The following PTPRJ variants were observed in gnomAD, a reference collection of about 807,000 sequenced individuals.
PTPRJ encodes receptor-type tyrosine-protein phosphatase eta.
In PTPRJ, 129 loss-of-function variants were observed where a neutral mutation model predicts 141.3. The observed-to-expected ratio is 0.91, with a 90% CI of 0.79 to 1.06. The LOEUF (loss-of-function observed/expected upper bound fraction) is 1.06. Among genes scored for constraint, PTPRJ ranks in the 50% least tolerant of loss-of-function variants. PTPRJ has a pLI of 0.00. For synonymous variants in PTPRJ, 610 were observed against 640.5 expected, an observed-to-expected ratio of 0.95 and a Z score of 0.72; for missense variants, 1,601 against 1,679.7, an observed-to-expected ratio of 0.95 and a Z score of 0.82.
chr11:48,089,843 C>T (rs1372819549), intron 1 of PTPRJ, among the ~76,000 whole-genome samples: 2 of 152,176 alleles, frequency 1.3e-5, no homozygotes, highest in African/African-American at 4.8e-5. Context: ...CCAGGCCTGG[C>T]TCTGCTATAT....
At position 48,082,410 on chromosome 11, in the gene PTPRJ, AT is replaced by A. The variant is rs386373791; in HGVS notation, c.97-27628del. ...AGGCTTACACCACCATACCTGGCAA[AT>A]TTTTTTTTTTTTTTTTTTTGGAGAG... On this transcript the variant is annotated intron_variant, in intron 1 of 24. Coordinates refer to ENST00000418331, the MANE Select transcript of PTPRJ (RefSeq NM_002843.4). Among the ~76,000 whole-genome samples, 74 of 125,246 alleles carry A rather than the reference AT, an allele frequency of 5.9e-4. 1 individual carries two copies. The highest frequency in any genetic ancestry group is 2.7e-3 in the Admixed American group (30 of 11,256). 82.2% of individuals were successfully genotyped at this position (125,246 alleles called of 152,430 possible).
intron 1 of PTPRJ, among the ~76,000 whole-genome samples, 182 bp downstream of exon 1, chr11:47,981,190 C>T (rs1364992568): frequency 6.6e-6 from 1 of 152,100 alleles, no homozygotes; most frequent in African/African-American, 2.4e-5. Flanking sequence ...CGATCGATCC[C>T]TTTTCCGGCT....
chr11:48,016,303 C>T (rs895062409), intron 1 of PTPRJ, among the ~76,000 whole-genome samples: 9 of 152,188 alleles, frequency 5.9e-5, no homozygotes, highest in Non-Finnish European at 1.3e-4. Flanking sequence ...GCTTCCCACT[C>T]GTTATCCTCA....
chr11:48,085,318 G>A (rs976543547), intron 1 of PTPRJ, among the ~76,000 whole-genome samples: 1 of 151,072 alleles, frequency 6.6e-6, no homozygotes, highest in African/African-American at 2.4e-5. Context: ...TATGTTAACA[G>A]GTGACAGATT....
chr11:48,053,930 CTTTTTTT>C (rs11290681), intron 1 of PTPRJ, among the ~76,000 whole-genome samples: 1,495 of 93,954 alleles, frequency 0.016, 25 homozygotes, highest in African/African-American at 0.058. Flanking sequence ...GCACCTCGTT[CTTTTTTT>C]TTTTTTTTTT....
At chr11:48,086,921 G>C (rs1258537376) in intron 1 of PTPRJ, among the ~76,000 whole-genome samples, 1 of 152,134 alleles carries the variant, frequency 6.6e-6, no homozygotes, top group Non-Finnish European at 1.5e-5. Flanking sequence ...TGCATACTTT[G>C]ATAGAAAATG....
chr11:48,124,894 T>C, intron 5 of PTPRJ, 74 bp from the exon 6 acceptor site: 2 of 1,429,042 alleles, frequency 1.4e-6, no homozygotes, highest in Non-Finnish European at 2.0e-6. Context: ...CTGATGGGGT[T>C]GGGGCTCCGA....
intron 6 of PTPRJ, among the ~76,000 whole-genome samples, chr11:48,126,914 T>C (rs1856851107): frequency 6.6e-6 from 1 of 151,758 alleles, no homozygotes; most frequent in African/African-American, 2.4e-5. Flanking sequence ...CAGAGGACAT[T>C]GTTGAGGCAC....
At position 48,127,897 on chromosome 11, in the gene PTPRJ, CG is replaced by C; in HGVS notation, c.1216del (p.Glu406ArgfsTer33). 1.9e-6 allele frequency: 3 copies of C among 1,614,138 alleles called. No homozygotes were observed. Among genetic ancestry groups the C allele is most frequent in the Non-Finnish European group, 2.5e-6 (3 of 1,180,018 alleles). On this transcript the variant is annotated frameshift_variant, in exon 7 of 25. Coordinates refer to ENST00000418331, the MANE Select transcript of PTPRJ (RefSeq NM_002843.4). LOFTEE classifies it high-confidence loss of function. ...SSNYTYKIHV[A>X]GETDSSNLNV... is the part of the protein sequence containing the mutation. ...AACTATACCTACAAGATACATGTGG[CG>C]GGGGAGACAGATTCTTCCAATCTCA...
chr11:48,080,270 C>G (rs915124783), intron 1 of PTPRJ, among the ~76,000 whole-genome samples: 1 of 152,162 alleles, frequency 6.6e-6, no homozygotes, highest in Admixed American at 6.6e-5. Context: ...CAAATCTTAA[C>G]TTTTTCAAGT....
At chr11:48,120,356 G>A (rs1271409055) in intron 3 of PTPRJ, among the ~76,000 whole-genome samples, 2 of 152,166 alleles carry the variant, frequency 1.3e-5, no homozygotes, top group Non-Finnish European at 2.9e-5. Flanking sequence ...TGGCAAAAAA[G>A]TTATCATGTG....
chr11:48,057,490 G>C (rs145412099), intron 1 of PTPRJ, among the ~76,000 whole-genome samples: 38 of 152,294 alleles, frequency 2.5e-4, no homozygotes, highest in Non-Finnish European at 3.8e-4. Context: ...ATATGAAGCT[G>C]AGATTAGGTG....
At position 48,167,402 on chromosome 11, in the gene PTPRJ, G is replaced by A. The variant is rs764199276; in HGVS notation, c.*40G>A. The A allele has an allele frequency of 5.7e-6, 9 of 1,587,702 alleles. No individual in the cohort carries two copies. The highest frequency in any genetic ancestry group is 2.7e-5 in the African/African-American group (2 of 73,788). On this transcript the variant is annotated 3_prime_UTR_variant, in exon 25 of 25. Coordinates refer to ENST00000418331, the MANE Select transcript of PTPRJ (RefSeq NM_002843.4). Reference sequence around the variant, plus strand: ...CCTTTCTGGAGTGAACCAGACCGTCGCACCCACAGCGAAGGCACATGCCCC... The same window carrying A: ...CCTTTCTGGAGTGAACCAGACCGTCACACCCACAGCGAAGGCACATGCCCC...
Position 47,980,678 on chromosome 11 carries a change from A to C in PTPRJ, c.-235A>C. ...CGCCCCGCGAAGCCCCTGCGCGCTC[A>C]GGGACGCGGCCCCCCCGCGGCAGCC... is the stretch of plus-strand genomic sequence containing the variant. On this transcript the variant is annotated 5_prime_UTR_variant, in exon 1 of 25. Coordinates refer to ENST00000418331, the MANE Select transcript of PTPRJ (RefSeq NM_002843.4). The C allele has an allele frequency of 1.0e-6, 1 of 987,944 alleles. No homozygotes were observed. The highest frequency in any genetic ancestry group is 1.1e-4 in the East Asian group (1 of 8,910). 61.2% of individuals were successfully genotyped at this position (987,944 alleles called of 1,614,324 possible). A position where few individuals can be genotyped will look rare whatever the true frequency, so the allele number is the denominator to read the frequency against.
At chr11:48,103,317 G>T (rs1202480675) in intron 1 of PTPRJ, among the ~76,000 whole-genome samples, 1 of 152,006 alleles carries the variant, frequency 6.6e-6, no homozygotes. Flanking sequence ...ATATTAGCTG[G>T]GTATAGTGGG....
intron 1 of PTPRJ, among the ~76,000 whole-genome samples, chr11:48,092,294 CAAAAAAAAAA>C (rs3971621): frequency 4.3e-5 from 2 of 46,954 alleles, no homozygotes; most frequent in Non-Finnish European, 7.8e-5. Flanking sequence ...GATTTCATCT[CAAAAAAAAAA>C]AAAAAAAAAA....
intron 1 of PTPRJ, among the ~76,000 whole-genome samples, chr11:48,029,762 C>T (rs567560603): frequency 3.9e-5 from 6 of 152,228 alleles, no homozygotes; most frequent in East Asian, 3.9e-4. Flanking sequence ...ATCCCTTTCC[C>T]GCCTCAAGGC....
At chr11:48,138,339 C>CTATA (rs1197621166) in intron 10 of PTPRJ, among the ~76,000 whole-genome samples, 2 of 152,110 alleles carry the variant, frequency 1.3e-5, no homozygotes, top group Non-Finnish European at 2.9e-5. Context: ...TATTTGTAGC[C>CTATA]TATAGCAAGA....
At chr11:47,981,948 C>T (rs1366980308) in intron 1 of PTPRJ, among the ~76,000 whole-genome samples, 2 of 152,244 alleles carry the variant, frequency 1.3e-5, no homozygotes, top group East Asian at 3.9e-4. Context: ...CTAGGGCTGC[C>T]TTGCTGTGCG....
Sources: gnomAD v4.1 joint callset for allele counts (sites outside exome capture counted in the v4.1 genomes callset) on GRCh38, gnomAD v4.1.1 for gene constraint, MANE v1.5 for transcripts, NCBI Gene and HGNC (gene_info 2026-07-23, HGNC 2026-07-21) for gene names.